Variants in TRIM33 observed in about 807,000 individuals in gnomAD.
The protein encoded by TRIM33 is E3 ubiquitin-protein ligase TRIM33.
In TRIM33, 20 loss-of-function variants were observed where a neutral mutation model predicts 125.4. That is an observed-to-expected ratio of 0.16 (90% CI 0.11 to 0.23). The LOEUF is 0.23. TRIM33 is among the 10% of genes least tolerant of loss of function. TRIM33 has a pLI of 1.00. For missense variants in TRIM33, 920 were observed against 1,411.4 expected, an observed-to-expected ratio of 0.65 and a Z score of 5.58; for synonymous variants, 564 against 513.9, an observed-to-expected ratio of 1.10 and a Z score of -1.32.
chr1:114,400,145 C>A (rs553929193), intron 17 of TRIM33, among the ~76,000 whole-genome samples: 1 of 152,090 alleles, frequency 6.6e-6, no homozygotes, highest in Non-Finnish European at 1.5e-5. Context: ...CCAACTCTGG[C>A]GAAAAATTTC....
chr1:114,472,104 T>C (rs1454055420), intron 1 of TRIM33, among the ~76,000 whole-genome samples: 2 of 152,260 alleles, frequency 1.3e-5, no homozygotes, highest in Non-Finnish European at 2.9e-5. Flanking sequence ...TGAACACTTA[T>C]GCATCCCAAA....
At chr1:114,436,252 A>T (rs1343704315) in intron 4 of TRIM33, among the ~76,000 whole-genome samples, 1 of 151,538 alleles carries the variant, frequency 6.6e-6, no homozygotes, top group Non-Finnish European at 1.5e-5. Flanking sequence ...ATACAAAAAA[A>T]TTAGCCCGGC....
At chr1:114,454,231 T>C (rs1649496729) in intron 4 of TRIM33, among the ~76,000 whole-genome samples, 2 of 152,136 alleles carry the variant, frequency 1.3e-5, no homozygotes, top group Admixed American at 6.5e-5. Context: ...AAGGTGGGAA[T>C]TGATAAACCT....
chr1:114,436,526 C>T (rs577886604), intron 4 of TRIM33, among the ~76,000 whole-genome samples: 4 of 151,652 alleles, frequency 2.6e-5, no homozygotes, highest in African/African-American at 4.8e-5. Flanking sequence ...AGTGCAGTGG[C>T]GCAATCTCAG....
intron 11 of TRIM33, among the ~76,000 whole-genome samples, chr1:114,412,622 T>C (rs889894655): frequency 2.4e-4 from 36 of 152,350 alleles, no homozygotes; most frequent in African/African-American, 8.4e-4. Context: ...TTATATACTG[T>C]ACGCTTTTTT....
chr1:114,468,246 C>T (rs753927960), intron 1 of TRIM33: 22 of 233,738 alleles, frequency 9.4e-5, no homozygotes, highest in East Asian at 2.8e-4. Flanking sequence ...GCAGGAGCAG[C>T]GCTGCTGCTG....
At chr1:114,504,389 T>C (rs1336684827) in intron 1 of TRIM33, among the ~76,000 whole-genome samples, 1 of 152,108 alleles carries the variant, frequency 6.6e-6, no homozygotes, top group African/African-American at 2.4e-5. Context: ...ACTAGTCCCC[T>C]ACTCCTGGAC....
chr1:114,499,349 C>T (rs1225161367), intron 1 of TRIM33, among the ~76,000 whole-genome samples: 2 of 151,356 alleles, frequency 1.3e-5, no homozygotes, highest in East Asian at 1.9e-4. Flanking sequence ...CTGACTTGAA[C>T]GATTACAACC....
At chr1:114,463,016 C>CATA (rs1393131043) in intron 4 of TRIM33, 88 bp downstream of exon 4, 1 of 1,026,980 alleles carries the variant, frequency 9.7e-7, no homozygotes, top group Admixed American at 3.1e-5. Flanking sequence ...AAGACACAAA[C>CATA]ATATAATCAA....
intron 1 of TRIM33, 101 bp from the exon 2 acceptor site, chr1:114,464,489 A>C (rs1474549631): frequency 1.6e-6 from 1 of 621,818 alleles, no homozygotes; most frequent in Non-Finnish European, 2.7e-6. Context: ...AGAAGACCAA[A>C]GAAATGAGCA....
chr1:114,461,239 T>C (rs942561213), intron 4 of TRIM33, among the ~76,000 whole-genome samples: 5 of 145,216 alleles, frequency 3.4e-5, no homozygotes, highest in Non-Finnish European at 6.1e-5. Flanking sequence ...TATATATACA[T>C]ATATTTATAT....
intron 1 of TRIM33, among the ~76,000 whole-genome samples, chr1:114,493,192 C>CA (rs1288885578): frequency 6.6e-6 from 1 of 152,140 alleles, no homozygotes; most frequent in African/African-American, 2.4e-5. Flanking sequence ...GCCATATATA[C>CA]ATATCTTCTT....
At chr1:114,417,080 T>A (rs569592875) in intron 11 of TRIM33, among the ~76,000 whole-genome samples, 1 of 152,320 alleles carries the variant, frequency 6.6e-6, no homozygotes, top group South Asian at 2.1e-4. Flanking sequence ...AAAACATGGA[T>A]AGACCTGGAA....
chr1:114,401,556 T>C (rs1428289322), intron 16 of TRIM33, 93 bp from the exon 17 acceptor site: 14 of 1,004,750 alleles, frequency 1.4e-5, no homozygotes, highest in Non-Finnish European at 1.9e-5. Context: ...AAAGTTTGAT[T>C]ACAACAAACT....
intron 3 of TRIM33, 78 bp from the exon 4 acceptor site, chr1:114,463,314 C>A: frequency 6.4e-7 from 1 of 1,550,726 alleles, no homozygotes; most frequent in Non-Finnish European, 8.7e-7. Flanking sequence ...ATTGATGTTG[C>A]TATCCAAAGT....
At chr1:114,410,649 C>T (rs1652523203) in intron 11 of TRIM33, among the ~76,000 whole-genome samples, 1 of 152,148 alleles carries the variant, frequency 6.6e-6, no homozygotes, top group South Asian at 2.1e-4. Context: ...CCCAGTATCC[C>T]TCCATTTCAG....
At chr1:114,450,324 T>C (rs2101300802) in intron 4 of TRIM33, among the ~76,000 whole-genome samples, 1 of 152,002 alleles carries the variant, frequency 6.6e-6, no homozygotes, top group Admixed American at 6.5e-5. Context: ...TTAACAATCC[T>C]GTTGTTTTGT....
intron 1 of TRIM33, among the ~76,000 whole-genome samples, chr1:114,502,602 C>G (rs1015387471): frequency 1.3e-5 from 2 of 152,130 alleles, no homozygotes; most frequent in Non-Finnish European, 2.9e-5. Context: ...AACCTCCCAG[C>G]CTCAAGTGAT....
At chr1:114,449,508 G>A (rs187278398) in intron 4 of TRIM33, among the ~76,000 whole-genome samples, 1 of 152,236 alleles carries the variant, frequency 6.6e-6, no homozygotes, top group African/African-American at 2.4e-5. Context: ...TAGATACAAG[G>A]CTGATAATGA....
Sources: gnomAD v4.1 joint callset for allele counts (sites outside exome capture counted in the v4.1 genomes callset) on GRCh38, gnomAD v4.1.1 for gene constraint, MANE v1.5 for transcripts, NCBI Gene and HGNC (gene_info 2026-07-23, HGNC 2026-07-21) for gene names.